Variants in EIF1B observed in about 807,000 individuals in gnomAD.
EIF1B encodes eukaryotic translation initiation factor 1B, also known as protein translation factor SUI1 homolog GC20.
In EIF1B, 5 loss-of-function variants were observed where a neutral mutation model predicts 14.8. The ratio of observed to expected loss-of-function variants is 0.34; its 90% CI spans 0.18 to 0.71. The LOEUF (loss-of-function observed/expected upper bound fraction) is 0.71. EIF1B is among the 30% of genes least tolerant of loss of function. The pLI is 0.64. For synonymous variants in EIF1B, 45 were observed against 45.8 expected, an observed-to-expected ratio of 0.98 and a Z score of 0.07; for missense variants, 56 against 134.0, an observed-to-expected ratio of 0.42 and a Z score of 2.87.
At position 40,312,054 on chromosome 3, in the gene EIF1B, G is replaced by A; in HGVS notation, c.*40G>A. The stretch of plus-strand genomic sequence containing the variant: ...CGTGGAGAATTTCTTGAATAGTTTT[G>A]TTCTCTAAACCCGGTTTGGCTGCCT... On this transcript the variant is annotated 3_prime_UTR_variant, in exon 4 of 4. Transcript: ENST00000232905. 6.6e-7 allele frequency: 1 copy of A among 1,505,038 alleles called. No homozygotes were observed. Among genetic ancestry groups the A allele is most frequent in the Non-Finnish European group, 9.2e-7 (1 of 1,084,194 alleles). The allele number at this position is 1,505,038 out of a possible 1,614,324, so 93.2% of individuals were successfully genotyped here. A position where few individuals can be genotyped will look rare whatever the true frequency, so the allele number is the denominator to read the frequency against.
intron 1 of EIF1B, chr3:40,310,481 T>G (rs1954310939): frequency 1.1e-5 from 2 of 183,948 alleles, no homozygotes; most frequent in South Asian, 3.3e-4. Context: ...AATCTACTTT[T>G]TTTTTGGCAA....
chr3:40,309,898 C>T lies in EIF1B; in HGVS notation c.-44C>T. The T allele has an allele frequency of 1.2e-6, 2 of 1,610,162 alleles. No individual in the cohort carries two copies. Among genetic ancestry groups the T allele is most frequent in the Non-Finnish European group, 1.7e-6 (2 of 1,176,612 alleles). ...TCCTGACAAGGTGATCCGGGCGGGC[C>T]CCGCAGGAATTTTATCCCCTCACCG... On this transcript the variant is annotated 5_prime_UTR_variant, in exon 1 of 4. Coordinates refer to ENST00000232905, the MANE Select transcript of EIF1B (RefSeq NM_005875.3).
rs957883009 is a variant in EIF1B, at chr3:40,309,766, C to T, written c.-176C>T. ...TCGCCTCTTCCTCCGCCTCCTCCTT[C>T]GCCTCTTCCTGCCTCCTCCCGGCTT... On this transcript the variant is annotated 5_prime_UTR_variant, in exon 1 of 4. Coordinates refer to ENST00000232905, the MANE Select transcript of EIF1B (RefSeq NM_005875.3). The T allele has an allele frequency of 1.2e-5, 8 of 679,164 alleles. No homozygotes were observed. Among genetic ancestry groups the T allele is most frequent in the Middle Eastern group, 2.9e-4 (1 of 3,492 alleles). The allele number at this position is 679,164 out of a possible 1,614,324, so 42.1% of individuals were successfully genotyped here.
chr3:40,310,017 T>A, intron 1 of EIF1B, 45 bp downstream of exon 1: 1 of 1,611,440 alleles, frequency 6.2e-7, no homozygotes, highest in South Asian at 1.1e-5. Flanking sequence ...CCGGCGCGCA[T>A]CTCGGCCTTT....
Position 40,312,337 on chromosome 3 carries a change from C to A in EIF1B, c.*323C>A. 5.5e-6 allele frequency: 1 copy of A among 181,782 alleles called. No homozygotes were observed. Among genetic ancestry groups the A allele is most frequent in the South Asian group, 1.7e-4 (1 of 5,866 alleles). 11.3% of individuals were successfully genotyped at this position (181,782 alleles called of 1,614,324 possible). ...TTGTATTAAACCATGTACGTTGCAG[C>A]TTAACAATAAAAAAAAATCTATGAA... On this transcript the variant is annotated 3_prime_UTR_variant, in exon 4 of 4. Transcript: ENST00000232905.
In EIF1B at chr3:40,311,511, C is replaced by T. The variant is rs1445497881; in HGVS notation, c.237C>T (p.Tyr79=). 4 of 1,613,786 alleles carry T rather than the reference C, an allele frequency of 2.5e-6. No homozygotes were observed. Among genetic ancestry groups the T allele is most frequent in the African/African-American group, 1.3e-5 (1 of 75,004 alleles). ...GTACTGTGATTGAACATCCTGAATA[C>T]GGAGAGGTTATTCAGCTTCAAGGTG... The part of the protein sequence containing the change: ...CNGTVIEHPE[Y]GEVIQLQGDQ... Residue 79 remains tyrosine, a synonymous_variant, in exon 3 of 4, where the codon TAC becomes TAT. Transcript: ENST00000232905.
At position 40,309,868 on chromosome 3, in the gene EIF1B, C is replaced by T. The variant is rs571087072; in HGVS notation, c.-74C>T. On this transcript the variant is annotated 5_prime_UTR_variant, in exon 1 of 4. Coordinates refer to ENST00000232905, the MANE Select transcript of EIF1B (RefSeq NM_005875.3). ...ATTTATTTCCGTTTTCTCGCCACTA[C>T]AGCCTCCTGACAAGGTGATCCGGGC... 11 of 1,543,930 alleles carry T rather than the reference C, an allele frequency of 7.1e-6. No individual in the cohort carries two copies. The highest frequency in any genetic ancestry group is 8.1e-6 in the Non-Finnish European group (9 of 1,117,384).
Position 40,311,770 on chromosome 3 carries a change from A to T in EIF1B, c.297+199A>T, listed in dbSNP as rs1271173225. On this transcript the variant is annotated intron_variant, in intron 3 of 3. Coordinates refer to ENST00000232905, the MANE Select transcript of EIF1B (RefSeq NM_005875.3). ...ATTAGAGTATTCTGATCATTTCTTT[A>T]TATACACACACAGGCTATTTCTTGG... 9.1e-6 allele frequency: 6 copies of T among 657,958 alleles called. No individual in the cohort carries two copies. In the South Asian group the frequency reaches 1.1e-4, roughly 13 times the overall value. The allele number at this position is 657,958 out of a possible 1,614,324, so 40.8% of individuals were successfully genotyped here. A position where few individuals can be genotyped will look rare whatever the true frequency, so the allele number is the denominator to read the frequency against.
Position 40,312,231 on chromosome 3 carries a change from C to T in EIF1B, c.*217C>T. ...AGATGGTAACAAAACCTCATATTGT[C>T]TTTACATGTTTCCAATGGAAAATGT... On this transcript the variant is annotated 3_prime_UTR_variant, in exon 4 of 4. Coordinates refer to ENST00000232905, the MANE Select transcript of EIF1B (RefSeq NM_005875.3). 1 of 496,202 alleles carries T rather than the reference C, an allele frequency of 2.0e-6. No homozygotes were observed. The highest frequency in any genetic ancestry group is 3.5e-6 in the Non-Finnish European group (1 of 282,774). 30.7% of individuals were successfully genotyped at this position (496,202 alleles called of 1,614,324 possible). A position where few individuals can be genotyped will look rare whatever the true frequency, so the allele number is the denominator to read the frequency against.
rs1954333831 is a variant in EIF1B at position 40,312,225 on chromosome 3, T to C, written c.*211T>C. ...GCAGTAAGATGGTAACAAAACCTCATATTGTCTTTACATGTTTCCAATGGA... is the reference window on the plus strand; with the variant it reads ...GCAGTAAGATGGTAACAAAACCTCACATTGTCTTTACATGTTTCCAATGGA... On this transcript the variant is annotated 3_prime_UTR_variant, in exon 4 of 4. Coordinates refer to ENST00000232905, the MANE Select transcript of EIF1B (RefSeq NM_005875.3). 1 of 525,184 alleles carries C rather than the reference T, an allele frequency of 1.9e-6. No homozygotes were observed. Among genetic ancestry groups the C allele is most frequent in the African/African-American group, 1.9e-5 (1 of 51,594 alleles). 32.5% of individuals were successfully genotyped at this position (525,184 alleles called of 1,614,324 possible).
intron 1 of EIF1B, 57 bp downstream of exon 1, chr3:40,310,029 G>A: frequency 1.9e-6 from 3 of 1,606,740 alleles, no homozygotes; most frequent in Non-Finnish European, 2.6e-6. Flanking sequence ...TCGGCCTTTT[G>A]CCCGCCTGGC....
chr3:40,309,899 C>G lies in EIF1B; in HGVS notation c.-43C>G. ...CCTGACAAGGTGATCCGGGCGGGCC[C>G]CGCAGGAATTTTATCCCCTCACCGG... On this transcript the variant is annotated 5_prime_UTR_variant, in exon 1 of 4. Transcript: ENST00000232905. 1 of 1,611,338 alleles carries G rather than the reference C, an allele frequency of 6.2e-7. No homozygotes were observed.
At chr3:40,310,698 C>G (rs1954314996) in intron 1 of EIF1B, 195 bp from the exon 2 acceptor site, 3 of 496,248 alleles carry the variant, frequency 6.0e-6, no homozygotes, top group Non-Finnish European at 1.1e-5. Flanking sequence ...TCAAATGTTT[C>G]TCTTTTTGTG....
intron 3 of EIF1B, 93 bp downstream of exon 3, chr3:40,311,664 C>A: frequency 9.6e-7 from 1 of 1,036,950 alleles, no homozygotes; most frequent in Non-Finnish European, 1.5e-6. Context: ...AGTAAAAAAT[C>A]ATACGAATGA....
chr3:40,310,617 CATT>C (rs1259377432), intron 1 of EIF1B: 2 of 279,976 alleles, frequency 7.1e-6, no homozygotes, highest in Non-Finnish European at 1.3e-5. Context: ...ATCTTTTTCT[CATT>C]AGAGGACCAT....
At chr3:40,310,687 T>C in intron 1 of EIF1B, 1 of 480,446 alleles carries the variant, frequency 2.1e-6, no homozygotes, top group Admixed American at 3.8e-5. Context: ...GACATAGCTG[T>C]TCAAATGTTT....
Position 40,309,852 on chromosome 3 carries a change from C to G in EIF1B, c.-90C>G, listed in dbSNP as rs1457578232. 6.8e-7 allele frequency: 1 copy of G among 1,469,002 alleles called. No individual in the cohort carries two copies. Among genetic ancestry groups the G allele is most frequent in the East Asian group, 2.3e-5 (1 of 43,836 alleles). The allele number at this position is 1,469,002 out of a possible 1,614,324, so 91.0% of individuals were successfully genotyped here. A position where few individuals can be genotyped will look rare whatever the true frequency, so the allele number is the denominator to read the frequency against. ...GGCGAAGCGTTTTCTTATTTATTTC[C>G]GTTTTCTCGCCACTACAGCCTCCTG... On this transcript the variant is annotated 5_prime_UTR_variant, in exon 1 of 4. Transcript: ENST00000232905.
rs1025386657 is a variant in EIF1B at position 40,309,775 on chromosome 3, C to T, written c.-167C>T. On this transcript the variant is annotated 5_prime_UTR_variant, in exon 1 of 4. Coordinates refer to ENST00000232905, the MANE Select transcript of EIF1B (RefSeq NM_005875.3). ...CCTCCGCCTCCTCCTTCGCCTCTTC[C>T]TGCCTCCTCCCGGCTTCCGCCGCCG... is the stretch of plus-strand genomic sequence containing the variant. 5 of 739,396 alleles carry T rather than the reference C, an allele frequency of 6.8e-6. No individual in the cohort carries two copies. In the African/African-American group the frequency reaches 7.0e-5, roughly 10 times the overall value. The allele number at this position is 739,396 out of a possible 1,614,324, so 45.8% of individuals were successfully genotyped here. A position where few individuals can be genotyped will look rare whatever the true frequency, so the allele number is the denominator to read the frequency against.
At chr3:40,311,775 C>G (rs1954329448) in intron 3 of EIF1B, 195 bp from the exon 4 acceptor site, 2 of 647,910 alleles carry the variant, frequency 3.1e-6, no homozygotes, top group South Asian at 3.8e-5. Flanking sequence ...TCTTTATATA[C>G]ACACACAGGC....
Sources: allele counts gnomAD v4.1 joint callset, GRCh38; gene constraint gnomAD v4.1.1; transcripts MANE v1.5; gene names NCBI Gene and HGNC (gene_info 2026-07-23, HGNC 2026-07-21).